The following HS3ST4 variants were observed in gnomAD, a reference collection of about 807,000 sequenced individuals.
The protein encoded by HS3ST4 is heparan sulfate glucosamine 3-O-sulfotransferase 4.
A neutral mutation model predicts 29.2 loss-of-function variants in HS3ST4; 17 were observed. The observed-to-expected ratio is 0.58, with a 90% CI of 0.40 to 0.87. The LOEUF (loss-of-function observed/expected upper bound fraction) is 0.87. Ranked by LOEUF, HS3ST4 falls within the 40% of genes least tolerant of loss-of-function variation. The pLI, the probability that HS3ST4 is intolerant of heterozygous loss-of-function variation, is 0.00. For missense variants in HS3ST4, 627 were observed against 634.5 expected (o/e 0.99, Z 0.13); for synonymous variants, 314 against 285.7 (o/e 1.10, Z -1.00).
intron 1 of HS3ST4, among the ~76,000 whole-genome samples, chr16:25,812,224 G>C (rs1321431189): frequency 6.6e-6 from 1 of 152,106 alleles, no homozygotes; most frequent in Non-Finnish European, 1.5e-5. Context: ...CTAAGTCTAC[G>C]GGACAGGGAA....
At chr16:26,094,473 G>A (rs533784809) in intron 1 of HS3ST4, among the ~76,000 whole-genome samples, 15 of 152,264 alleles carry the variant, frequency 9.9e-5, no homozygotes, top group Non-Finnish European at 1.9e-4. Context: ...CATTCATAAA[G>A]GAAAGAATTT....
chr16:25,968,483 A>G (rs933088960), intron 1 of HS3ST4, among the ~76,000 whole-genome samples: 5 of 152,112 alleles, frequency 3.3e-5, no homozygotes, highest in Non-Finnish European at 7.4e-5. Context: ...TATTTCTGTG[A>G]TGCTGACACT....
intron 1 of HS3ST4, among the ~76,000 whole-genome samples, chr16:25,959,723 A>G (rs1968774821): frequency 6.6e-6 from 1 of 152,162 alleles, no homozygotes; most frequent in South Asian, 2.1e-4. Flanking sequence ...TCATCTTGAA[A>G]TGTGATCCTC....
intron 1 of HS3ST4, 31 bp downstream of exon 1, chr16:25,693,182 G>A: frequency 2.6e-6 from 4 of 1,530,114 alleles, no homozygotes; most frequent in Non-Finnish European, 3.5e-6. Context: ...GGCTGGTGGA[G>A]ACGCGTGGGG....
chr16:26,015,372 T>C (rs1969353304), intron 1 of HS3ST4, among the ~76,000 whole-genome samples: 1 of 152,222 alleles, frequency 6.6e-6, no homozygotes, highest in Admixed American at 6.5e-5. Context: ...GGGTCCCAAA[T>C]GCAGAGCTTC....
intron 1 of HS3ST4, among the ~76,000 whole-genome samples, chr16:25,807,357 T>C (rs1444711148): frequency 6.6e-6 from 1 of 152,240 alleles, no homozygotes; most frequent in East Asian, 1.9e-4. Flanking sequence ...GAATCTATTT[T>C]CAATTTCTAT....
intron 1 of HS3ST4, among the ~76,000 whole-genome samples, chr16:25,907,042 T>TA (rs1968186391): frequency 6.6e-6 from 1 of 151,930 alleles, no homozygotes. Context: ...AAAAATGTTT[T>TA]AAAAATTAGA....
At chr16:26,053,550 C>G (rs1205811373) in intron 1 of HS3ST4, among the ~76,000 whole-genome samples, 1 of 152,138 alleles carries the variant, frequency 6.6e-6, no homozygotes, top group Non-Finnish European at 1.5e-5. Context: ...AAATTTAAGA[C>G]TTCAGGAAGT....
intron 1 of HS3ST4, chr16:25,825,570 A>T (rs1449085443): frequency 6.6e-6 from 1 of 151,804 alleles, no homozygotes; most frequent in Non-Finnish European, 1.5e-5. Context: ...AGGCTGTTCA[A>T]CTCCTTTAGC....
chr16:26,048,837 G>T (rs769116580), intron 1 of HS3ST4, among the ~76,000 whole-genome samples: 21 of 151,904 alleles, frequency 1.4e-4, no homozygotes, highest in Non-Finnish European at 7.4e-5. Context: ...TGTCTAAAAA[G>T]TAAAAAAATA....
intron 1 of HS3ST4, among the ~76,000 whole-genome samples, chr16:25,872,777 C>CTACAAAA (rs1159775983): frequency 3.3e-5 from 5 of 152,110 alleles, no homozygotes; most frequent in African/African-American, 9.7e-5. Flanking sequence ...ATGGGAAGAA[C>CTACAAAA]TACAAAAGCA....
intron 1 of HS3ST4, among the ~76,000 whole-genome samples, chr16:25,909,183 T>C (rs1274485968): frequency 6.6e-6 from 1 of 152,140 alleles, no homozygotes; most frequent in East Asian, 1.9e-4. Flanking sequence ...GATTCTGCAT[T>C]TCTTTTTCTT....
At chr16:25,968,686 C>T (rs926316603) in intron 1 of HS3ST4, among the ~76,000 whole-genome samples, 3 of 152,260 alleles carry the variant, frequency 2.0e-5, no homozygotes, top group African/African-American at 4.8e-5. Flanking sequence ...GTTAATCTCT[C>T]GCACATTGTA....
At chr16:25,920,590 A>T in intron 1 of HS3ST4, among the ~76,000 whole-genome samples, 2 of 122,594 alleles carry the variant, frequency 1.6e-5, no homozygotes, top group African/African-American at 3.5e-5. Context: ...CCTTCCCCTC[A>T]CTGCCGCCCC....
intron 1 of HS3ST4, among the ~76,000 whole-genome samples, chr16:25,722,882 A>C (rs1173220729): frequency 6.6e-6 from 1 of 152,244 alleles, no homozygotes; most frequent in Non-Finnish European, 1.5e-5. Flanking sequence ...GCTGATAAAG[A>C]CATACCCAAT....
At chr16:26,030,423 A>G (rs1159964622) in intron 1 of HS3ST4, among the ~76,000 whole-genome samples, 1 of 152,218 alleles carries the variant, frequency 6.6e-6, no homozygotes, top group African/African-American at 2.4e-5. Flanking sequence ...AGAAAGAAAT[A>G]ATGCTGAAAT....
intron 1 of HS3ST4, among the ~76,000 whole-genome samples, chr16:25,923,627 T>C (rs202095033): frequency 1.3e-5 from 2 of 151,986 alleles, no homozygotes; most frequent in African/African-American, 4.8e-5. Context: ...AAAATATATG[T>C]GTGTGTGTGT....
chr16:25,696,771 C>A (rs1279544953), intron 1 of HS3ST4, among the ~76,000 whole-genome samples: 1 of 152,220 alleles, frequency 6.6e-6, no homozygotes, highest in African/African-American at 2.4e-5. Flanking sequence ...CAGTGCTCAG[C>A]AGCATATTTT....
intron 1 of HS3ST4, among the ~76,000 whole-genome samples, chr16:25,705,034 A>C (rs1011023099): frequency 3.9e-5 from 6 of 152,008 alleles, no homozygotes; most frequent in Admixed American, 3.9e-4. Context: ...GTGCCTTCCT[A>C]CTATTCCTGG....
Sources: allele counts gnomAD v4.1 joint callset (sites outside exome capture counted in the v4.1 genomes callset), GRCh38; gene constraint gnomAD v4.1.1; transcripts MANE v1.5; gene names NCBI Gene and HGNC (gene_info 2026-07-23, HGNC 2026-07-21).